The following NUMBL variants were observed in gnomAD, a reference collection of about 807,000 sequenced individuals.
NUMBL encodes NUMB like endocytic adaptor protein.
In NUMBL, 20 loss-of-function variants were observed where a neutral mutation model predicts 48.9. The observed-to-expected ratio is 0.41, with a 90% CI of 0.29 to 0.59. The LOEUF (loss-of-function observed/expected upper bound fraction) is 0.59, where lower values mean the gene tolerates loss of function less well. Among genes scored for constraint, NUMBL ranks in the 20% least tolerant of loss-of-function variants. The pLI is 0.31. For missense variants in NUMBL, 660 were observed against 846.2 expected (o/e 0.78, Z 2.73); for synonymous variants, 340 against 348.7 (o/e 0.98, Z 0.28).
Position 40,690,393 on chromosome 19 carries a change from C to T in NUMBL, c.24+67G>A. The T allele has an allele frequency of 5.0e-6, 5 of 993,494 alleles. 1 individual carries two copies. The highest frequency in any genetic ancestry group is 2.7e-4 in the Middle Eastern group (1 of 3,672). The allele number at this position is 993,494 out of a possible 1,614,324, so 61.5% of individuals were successfully genotyped here. ...CTCCATCCGGGCGCCGCGGCCGCCTCCCACCCTCCGCCACATCAGCAGCGG... is the reference window on the plus strand; with the variant it reads ...CTCCATCCGGGCGCCGCGGCCGCCTTCCACCCTCCGCCACATCAGCAGCGG... On this transcript the variant is annotated intron_variant, in intron 1 of 9. Transcript: ENST00000252891.
At chr19:40,684,206 C>T (rs1291960718) in intron 3 of NUMBL, 3 of 529,458 alleles carry the variant, frequency 5.7e-6, no homozygotes, top group Non-Finnish European at 9.9e-6. Context: ...GTAGCTGGGA[C>T]TACAGGCGCC....
chr19:40,671,331 C>G (rs942522140), intron 8 of NUMBL, among the ~76,000 whole-genome samples: 2 of 151,844 alleles, frequency 1.3e-5, no homozygotes, highest in African/African-American at 4.9e-5. Flanking sequence ...TGAGAGTATA[C>G]CTGACTGTGA....
intron 8 of NUMBL, among the ~76,000 whole-genome samples, chr19:40,671,104 C>T (rs2081845307): frequency 6.6e-6 from 1 of 152,120 alleles, no homozygotes; most frequent in Non-Finnish European, 1.5e-5. Flanking sequence ...GCTGGGACTA[C>T]AGGTGCATGC....
rs2081943972 is a variant in NUMBL at position 40,688,142 on chromosome 19, C to A, written c.25-1147G>T. Among the ~76,000 whole-genome samples the A allele has an allele frequency of 6.6e-6, 1 of 152,218 alleles. No individual in the cohort carries two copies. The highest frequency in any genetic ancestry group is 2.4e-5 in the African/African-American group (1 of 41,450). On this transcript the variant is annotated intron_variant, in intron 1 of 9. Coordinates refer to ENST00000252891, the MANE Select transcript of NUMBL (RefSeq NM_004756.5). This position sits in a 1 kb window ranked among gnomAD's most constrained non-coding sequence, Gnocchi z 4.6. ...GGTCCTATAGGCATGGCCACAGCAT[C>A]AATGTCCATGTGACCCAGCCACCTA...
intron 8 of NUMBL, among the ~76,000 whole-genome samples, chr19:40,672,753 TTG>T (rs981730551): frequency 2.0e-4 from 30 of 152,366 alleles, no homozygotes; most frequent in African/African-American, 6.3e-4. Flanking sequence ...TGATCATGAC[TTG>T]TGATGCCTTT....
chr19:40,670,561 G>A lies in NUMBL; in HGVS notation c.1037-541C>T, dbSNP rs74495906. 5.3e-5 allele frequency among the ~76,000 whole-genome samples: 8 copies of A among 152,002 alleles called. No homozygotes were observed. The East Asian group carries it at 1.5e-3, about 29-fold the overall frequency. On this transcript the variant is annotated intron_variant, in intron 8 of 9. Transcript: ENST00000252891. ...GCGGCCCCGTGAGGGCTTGTGATGA[G>A]CAAAGGTACCATCCAAATAAACAAT...
intron 2 of NUMBL, 89 bp from the exon 3 acceptor site, chr19:40,684,645 G>C: frequency 6.8e-7 from 1 of 1,474,750 alleles, no homozygotes; most frequent in Non-Finnish European, 9.0e-7. Context: ...AGGGAGCATG[G>C]GGTCAGATAA....
chr19:40,670,172 A>C, intron 8 of NUMBL, 152 bp from the exon 9 acceptor site: 1 of 890,316 alleles, frequency 1.1e-6, no homozygotes, highest in Non-Finnish European at 1.6e-6. Context: ...ATAACTGTGC[A>C]TATGTGTGTG....
intron 2 of NUMBL, chr19:40,684,842 T>C (rs926826308): frequency 1.1e-4 from 45 of 412,788 alleles, no homozygotes; most frequent in Non-Finnish European, 3.1e-5. Flanking sequence ...GGCACAGGCT[T>C]CAGGGCATTG....
chr19:40,685,989 C>T (rs1599914745), intron 2 of NUMBL: 1 of 152,862 alleles, frequency 6.5e-6, no homozygotes, highest in African/African-American at 2.4e-5. Context: ...GTGACTGTTG[C>T]CTGAGAGAGT....
Position 40,682,624 on chromosome 19 carries a change from C to A in NUMBL, c.399+104G>T. 1 of 1,026,906 alleles carries A rather than the reference C, an allele frequency of 9.7e-7. No homozygotes were observed. The highest frequency in any genetic ancestry group is 2.4e-5 in the East Asian group (1 of 41,372). 63.6% of individuals were successfully genotyped at this position (1,026,906 alleles called of 1,614,324 possible). On this transcript the variant is annotated intron_variant, in intron 5 of 9. Coordinates refer to ENST00000252891, the MANE Select transcript of NUMBL (RefSeq NM_004756.5). The surrounding 1 kb of genome is among the most constrained non-coding windows in gnomAD (Gnocchi z 4.0). ...AGCACACGGCATCGTCTAGAAGGTC[C>A]CTGAGGGAGGGATGTGCAGAGGAGG...
At chr19:40,668,957 G>A (rs1599900884) in intron 9 of NUMBL, among the ~76,000 whole-genome samples, 1 of 152,188 alleles carries the variant, frequency 6.6e-6, no homozygotes, top group African/African-American at 2.4e-5. Flanking sequence ...ATTCTAAGGT[G>A]CACCTGTGGT....
chr19:40,677,189 T>C, intron 7 of NUMBL, 43 bp downstream of exon 7: 2 of 1,535,546 alleles, frequency 1.3e-6, no homozygotes, highest in Non-Finnish European at 1.8e-6. Flanking sequence ...CTGGGTACCC[T>C]GTGCCCACTC....
Position 40,667,754 on chromosome 19 carries a change from A to C in NUMBL, c.1544T>G (p.Met515Arg). The change falls in exon 10 of 10, where the codon ATG (methionine) becomes AGG (arginine). Residue 515 changes from methionine to arginine, a missense_variant. Met to Arg is a moderately conservative substitution (Grantham distance 91, BLOSUM62 -1). Transcript: ENST00000252891. The surrounding 1 kb of genome is among the most constrained non-coding windows in gnomAD (Gnocchi z 6.1). ...GGCTGAGCAGAAGGCGTTTGCCACCATCTGTGAGGGTGTGATGCCCACCAC... is the reference window on the plus strand; with the variant it reads ...GGCTGAGCAGAAGGCGTTTGCCACCCTCTGTGAGGGTGTGATGCCCACCAC... The part of the protein sequence containing the change: ...VPVVGITPSQ[M>R]VANAFCSAAQ... The C allele has an allele frequency of 6.3e-7, 1 of 1,580,886 alleles. No individual in the cohort carries two copies. Among genetic ancestry groups the C allele is most frequent in the Non-Finnish European group, 8.6e-7 (1 of 1,164,172 alleles).
intron 6 of NUMBL, 68 bp from the exon 7 acceptor site, chr19:40,677,489 G>A (rs927055396): frequency 9.7e-6 from 14 of 1,442,818 alleles, no homozygotes; most frequent in East Asian, 6.9e-5. Flanking sequence ...AGGGGCACTG[G>A]GTTATAGCCG....
chr19:40,681,090 G>A (rs750131672), intron 5 of NUMBL, 33 bp from the exon 6 acceptor site: 1 of 1,610,492 alleles, frequency 6.2e-7, no homozygotes. Flanking sequence ...GGAGAAGAGT[G>A]TGAACTCTCT....
intron 7 of NUMBL, among the ~76,000 whole-genome samples, chr19:40,675,098 G>C (rs1470872314): frequency 8.2e-6 from 1 of 122,638 alleles, no homozygotes; most frequent in African/African-American, 3.2e-5. Flanking sequence ...AGCCGAGATC[G>C]CACCATTGCA....
In NUMBL at chr19:40,677,880, G is replaced by C. The variant is rs561649186; in HGVS notation, c.541-459C>G. ...GTCAGAATAGTGGTAGTTTCCTATG[G>C]GGTGGGGAATGACTGGAAAGTGTAT... On this transcript the variant is annotated intron_variant, in intron 6 of 9. Coordinates refer to ENST00000252891, the MANE Select transcript of NUMBL (RefSeq NM_004756.5). Among the ~76,000 whole-genome samples the C allele has an allele frequency of 2.0e-5, 3 of 152,216 alleles. No homozygotes were observed. In the South Asian group the frequency reaches 6.2e-4, roughly 32 times the overall value.
rs2081817279 is a variant in NUMBL at position 40,667,559 on chromosome 19, T to G, written c.1739A>C (p.Gln580Pro). 17 of 1,561,172 alleles carry G rather than the reference T, an allele frequency of 1.1e-5. No homozygotes were observed. Among genetic ancestry groups the G allele is most frequent in the Non-Finnish European group, 1.4e-5 (16 of 1,152,154 alleles). Residue 580 changes from glutamine (Q) to proline (P), a missense_variant, in exon 10 of 10, where the codon CAG becomes CCG. This residue lies in a region of NUMBL where 296 missense variants were observed against 339.7 expected (regional missense o/e 0.87). Coordinates refer to ENST00000252891, the MANE Select transcript of NUMBL (RefSeq NM_004756.5). This position sits in a 1 kb window ranked among gnomAD's most constrained non-coding sequence, Gnocchi z 6.1. Reference protein sequence around the residue: ...PAPELDPFEAQWAALEGKATV... With the variant: ...PAPELDPFEAPWAALEGKATV... Reference sequence around the variant, plus strand: ...GGCTTTGCCTTCTAATGCCGCCCACTGGGCCTCAAAGGGGTCCAACTCTGG... The same window carrying G: ...GGCTTTGCCTTCTAATGCCGCCCACGGGGCCTCAAAGGGGTCCAACTCTGG...
Sources: allele counts gnomAD v4.1 joint callset (sites outside exome capture counted in the v4.1 genomes callset), GRCh38; gene constraint gnomAD v4.1.1; regional missense constraint gnomAD v4.1.1; non-coding constraint Gnocchi (gnomAD v3.1); transcripts MANE v1.5; gene names NCBI Gene and HGNC (gene_info 2026-07-23, HGNC 2026-07-21).